Variants in LRRC20 observed in about 807,000 individuals in gnomAD.
LRRC20 encodes leucine rich repeat containing 20.
LRRC20 carries 11 observed loss-of-function variants against 14.4 expected under a neutral mutation model. That is an observed-to-expected ratio of 0.77 (90% CI 0.48 to 1.27). The LOEUF is 1.27. Among genes scored for constraint, LRRC20 ranks in the 50% most tolerant of loss-of-function variants. The pLI, the probability that LRRC20 is intolerant of heterozygous loss-of-function variation, is 0.00. For synonymous variants in LRRC20, 121 were observed against 107.3 expected, an observed-to-expected ratio of 1.13 and a Z score of -0.79; for missense variants, 219 against 251.2, an observed-to-expected ratio of 0.87 and a Z score of 0.87.
At chr10:70,376,640 G>T in intron 1 of LRRC20, 44 bp from the exon 2 acceptor site, 2 of 1,062,612 alleles carry the variant, frequency 1.9e-6, no homozygotes, top group Admixed American at 1.9e-5. Flanking sequence ...TGCCAGCCAG[G>T]GGCCCACCCA....
chr10:70,339,237 C>T (rs951098713), intron 3 of LRRC20, among the ~76,000 whole-genome samples: 1 of 152,222 alleles, frequency 6.6e-6, no homozygotes, highest in African/African-American at 2.4e-5. Flanking sequence ...TCCAAAGGGA[C>T]TTGTGGATTC....
chr10:70,326,453 G>A (rs1842326963), intron 3 of LRRC20, among the ~76,000 whole-genome samples: 1 of 152,150 alleles, frequency 6.6e-6, no homozygotes, highest in African/African-American at 2.4e-5. Context: ...GGCACCTTGT[G>A]TCACTCAGAA....
intron 1 of LRRC20, among the ~76,000 whole-genome samples, chr10:70,379,890 T>G (rs1246468117): frequency 1.3e-5 from 2 of 152,196 alleles, no homozygotes; most frequent in Non-Finnish European, 2.9e-5. Flanking sequence ...CATCAGGCAT[T>G]AGATTCTCCA....
At chr10:70,330,617 G>A (rs1842501900) in intron 3 of LRRC20, among the ~76,000 whole-genome samples, 1 of 152,152 alleles carries the variant, frequency 6.6e-6, no homozygotes, top group African/African-American at 2.4e-5. Context: ...AGCCAAATCT[G>A]AGCTCCATGG....
At chr10:70,349,960 A>G (rs1392666839) in intron 2 of LRRC20, among the ~76,000 whole-genome samples, 1 of 152,170 alleles carries the variant, frequency 6.6e-6, no homozygotes, top group Non-Finnish European at 1.5e-5. Flanking sequence ...ACAGACAAAA[A>G]GGAGAGAGGG....
At chr10:70,319,191 G>T (rs866020069) in intron 4 of LRRC20, among the ~76,000 whole-genome samples, 3 of 135,920 alleles carry the variant, frequency 2.2e-5, no homozygotes, top group African/African-American at 8.4e-5. Flanking sequence ...AAAAAAAAAA[G>T]AAAGAAACAG....
chr10:70,344,597 C>T (rs1843014207), intron 2 of LRRC20, among the ~76,000 whole-genome samples: 1 of 152,150 alleles, frequency 6.6e-6, no homozygotes, highest in South Asian at 2.1e-4. Context: ...GACAGGGTCT[C>T]GCTCTGTCAC....
intron 1 of LRRC20, among the ~76,000 whole-genome samples, chr10:70,377,710 A>G (rs1419623098): frequency 6.6e-6 from 1 of 152,238 alleles, no homozygotes; most frequent in East Asian, 1.9e-4. Flanking sequence ...GCTAAGAGCT[A>G]ACAGTCACCA....
intron 1 of LRRC20, among the ~76,000 whole-genome samples, chr10:70,378,988 T>C (rs1337121064): frequency 6.6e-6 from 1 of 152,068 alleles, no homozygotes; most frequent in Non-Finnish European, 1.5e-5. Context: ...TCTCCCCCAT[T>C]GACCTGTGGG....
At chr10:70,341,736 C>A (rs972050447) in intron 2 of LRRC20, among the ~76,000 whole-genome samples, 1 of 152,104 alleles carries the variant, frequency 6.6e-6, no homozygotes, top group African/African-American at 2.4e-5. Context: ...CCACTGCACA[C>A]CAGCCTGGGC....
intron 1 of LRRC20, among the ~76,000 whole-genome samples, chr10:70,378,283 C>T (rs1626): frequency 0.041 from 6,260 of 152,236 alleles, 214 homozygotes; most frequent in African/African-American, 0.095. Context: ...TTCTCTCCTT[C>T]CTCTGAGTTT....
intron 2 of LRRC20, among the ~76,000 whole-genome samples, chr10:70,341,679 A>G (rs145635361): frequency 0.014 from 2,138 of 152,276 alleles, 19 homozygotes; most frequent in Middle Eastern, 0.027. Flanking sequence ...GAGGCACGAG[A>G]ATCACTTGAG....
intron 2 of LRRC20, among the ~76,000 whole-genome samples, chr10:70,373,223 T>C (rs1348933495): frequency 7.1e-6 from 1 of 139,902 alleles, no homozygotes. Flanking sequence ...CATATAGAGT[T>C]ACTTTATGAT....
At chr10:70,309,262 T>A (rs1220868841) in intron 4 of LRRC20, among the ~76,000 whole-genome samples, 1 of 152,198 alleles carries the variant, frequency 6.6e-6, no homozygotes, top group Non-Finnish European at 1.5e-5. Context: ...TTTGTCTAAA[T>A]GGGCCCAGCA....
chr10:70,320,930 G>A (rs1564617831), intron 4 of LRRC20, among the ~76,000 whole-genome samples: 1 of 152,204 alleles, frequency 6.6e-6, no homozygotes, highest in African/African-American at 2.4e-5. Flanking sequence ...AGCTCTATTC[G>A]GAAACAAGAG....
At chr10:70,367,395 CTG>C (rs2137132854) in intron 2 of LRRC20, among the ~76,000 whole-genome samples, 1 of 151,456 alleles carries the variant, frequency 6.6e-6, no homozygotes, top group South Asian at 2.1e-4. Flanking sequence ...ACAGCAAAAC[CTG>C]TATGCAAATG....
chr10:70,323,845 T>TGGGCCAGGC lies in LRRC20; in HGVS notation c.400+9_400+17dup, dbSNP rs761292258. The TGGGCCAGGC allele has an allele frequency of 6.2e-7, 1 of 1,613,434 alleles. No homozygotes were observed. The highest frequency in any genetic ancestry group is 8.5e-7 in the Non-Finnish European group (1 of 1,179,660). Reference sequence around the variant, plus strand: ...CCTCGTGCAGCAGCCCAGGGCCAGGTGGGCCAGGCCCACTCACCTACGATC... The same window carrying TGGGCCAGGC: ...CCTCGTGCAGCAGCCCAGGGCCAGGTGGGCCAGGCGGGCCAGGCCCACTCACCTACGATC... On this transcript the variant is annotated intron_variant, in intron 4 of 4. Transcript: ENST00000446961.
chr10:70,302,693 T>G (rs928618001), intron 4 of LRRC20, among the ~76,000 whole-genome samples: 3 of 151,198 alleles, frequency 2.0e-5, no homozygotes, highest in Non-Finnish European at 4.4e-5. Flanking sequence ...GGCAACATAG[T>G]GAGACCCCAG....
rs776696097 is a variant in LRRC20, at chr10:70,301,375, G to A, written c.534C>T (p.Gly178=). Residue 178 remains glycine, a synonymous_variant, in exon 5 of 5, where the codon GGC becomes GGT. Transcript: ENST00000446961. The part of the protein sequence containing the change: ...IKFDMLMSPE[G]ARAPLP ...TGGCCTAAGGTAGGGGGGCTCTTGC[G>A]CCTTCCGGAGACATGAGCATGTCAA... is the stretch of plus-strand genomic sequence containing the variant. The A allele has an allele frequency of 1.9e-5, 30 of 1,613,252 alleles. No homozygotes were observed. The highest frequency in any genetic ancestry group is 4.0e-5 in the African/African-American group (3 of 74,940).
Sources: allele counts gnomAD v4.1 joint callset (sites outside exome capture counted in the v4.1 genomes callset), GRCh38; gene constraint gnomAD v4.1.1; transcripts MANE v1.5; gene names NCBI Gene and HGNC (gene_info 2026-07-23, HGNC 2026-07-21).